SPON1: variants seen among roughly 807,000 people sequenced by gnomAD.
SPON1 encodes spondin 1, also known as spondin-1.
SPON1 carries 52 observed loss-of-function variants against 111.7 expected under a neutral mutation model. That is an observed-to-expected ratio of 0.47 (90% CI 0.37 to 0.59). The LOEUF (loss-of-function observed/expected upper bound fraction) is 0.59. SPON1 is among the 20% of genes least tolerant of loss of function. SPON1 has a pLI of 0.00. For missense variants in SPON1, 957 were observed against 1,068.5 expected, an observed-to-expected ratio of 0.90 and a Z score of 1.46; for synonymous variants, 410 against 395.8, an observed-to-expected ratio of 1.04 and a Z score of -0.43.
intron 2 of SPON1, among the ~76,000 whole-genome samples, chr11:14,040,410 AAC>A (rs1166946797): frequency 6.6e-6 from 1 of 152,160 alleles, no homozygotes; most frequent in Non-Finnish European, 1.5e-5. Flanking sequence ...AATTCTAAAT[AAC>A]ACACACACAC....
intron 15 of SPON1, among the ~76,000 whole-genome samples, chr11:14,263,751 G>A (rs1473469348): frequency 7.9e-5 from 12 of 152,196 alleles, no homozygotes; most frequent in East Asian, 5.8e-4. Context: ...ATTCCAGGCC[G>A]GGCACGGTGG....
At chr11:14,223,705 C>T (rs1848706586) in intron 6 of SPON1, among the ~76,000 whole-genome samples, 1 of 152,232 alleles carries the variant, frequency 6.6e-6, no homozygotes, top group African/African-American at 2.4e-5. Flanking sequence ...CCCTCACGCC[C>T]TCCCCTTCAA....
intron 5 of SPON1, among the ~76,000 whole-genome samples, chr11:14,113,567 AATTTTTTTTTTTTTTTT>A: frequency 4.6e-5 from 2 of 43,056 alleles, no homozygotes; most frequent in Non-Finnish European, 4.4e-5. Context: ...GTACTTTTTA[AATTTTTTTTTTTTTTTT>A]TTTTTTTTTT....
intron 6 of SPON1, among the ~76,000 whole-genome samples, chr11:14,194,591 A>G (rs1554934891): frequency 6.6e-6 from 1 of 151,704 alleles, no homozygotes; most frequent in East Asian, 1.9e-4. Flanking sequence ...GGCTGGTACA[A>G]TAAAAGTGTG....
rs1554930923 is a variant in SPON1 at position 14,160,606 on chromosome 11, T to TA, written c.825+25038_825+25039insA. On this transcript the variant is annotated intron_variant, in intron 6 of 15. Coordinates refer to ENST00000576479, the MANE Select transcript of SPON1 (RefSeq NM_006108.4). ...ATTTACATATATATATTTATATATA[T>TA]TTATATATATTTATATATATATTTA... is the stretch of plus-strand genomic sequence containing the variant. Among the ~76,000 whole-genome samples the TA allele has an allele frequency of 9.4e-5, 3 of 31,986 alleles. 1 individual carries two copies. The highest frequency in any genetic ancestry group is 1.6e-4 in the Non-Finnish European group (3 of 19,326). 21.0% of individuals were successfully genotyped at this position (31,986 alleles called of 152,430 possible).
intron 3 of SPON1, among the ~76,000 whole-genome samples, chr11:14,064,484 A>G (rs2133824648): frequency 6.6e-6 from 1 of 152,344 alleles, no homozygotes; most frequent in African/African-American, 2.4e-5. Flanking sequence ...CACACAGTAA[A>G]GCTGAATTCA....
chr11:14,160,532 TATTTATA>T (rs1847908645), intron 6 of SPON1, among the ~76,000 whole-genome samples: 1 of 16,232 alleles, frequency 6.2e-5, no homozygotes, highest in Non-Finnish European at 8.9e-5. Context: ...TACATATATA[TATTTATA>T]TATATATTTA....
intron 3 of SPON1, among the ~76,000 whole-genome samples, chr11:14,044,081 C>T (rs1233462537): frequency 6.6e-6 from 1 of 151,794 alleles, no homozygotes; most frequent in Non-Finnish European, 1.5e-5. Context: ...AGGAGACAGG[C>T]CCTGGGGATA....
intron 6 of SPON1, among the ~76,000 whole-genome samples, chr11:14,145,491 TAA>T (rs1263107441): frequency 4.6e-5 from 7 of 152,314 alleles, no homozygotes; most frequent in African/African-American, 1.7e-4. Flanking sequence ...TATATTACCT[TAA>T]GATTTAGAAG....
At chr11:14,223,343 G>A (rs1349175899) in intron 6 of SPON1, among the ~76,000 whole-genome samples, 7 of 152,234 alleles carry the variant, frequency 4.6e-5, no homozygotes, top group African/African-American at 1.4e-4. Context: ...CAGCCTGGGC[G>A]ATAGAGTAAG....
intron 6 of SPON1, among the ~76,000 whole-genome samples, chr11:14,207,095 A>G (rs1554936259): frequency 6.6e-6 from 1 of 152,212 alleles, no homozygotes; most frequent in Non-Finnish European, 1.5e-5. Context: ...GCCTACAACC[A>G]TCTGATTTTC....
At chr11:14,158,085 G>A (rs948632908) in intron 6 of SPON1, among the ~76,000 whole-genome samples, 1 of 152,088 alleles carries the variant, frequency 6.6e-6, no homozygotes, top group Non-Finnish European at 1.5e-5. Context: ...GGCTCTGGAT[G>A]ACATTATCTT....
chr11:14,104,165 G>T (rs190991241), intron 5 of SPON1, among the ~76,000 whole-genome samples: 127 of 151,860 alleles, frequency 8.4e-4, no homozygotes, highest in Non-Finnish European at 1.5e-3. Context: ...CCTTTTTAAA[G>T]ATTTCCCAGT....
At chr11:13,964,791 C>T (rs1848003713) in intron 1 of SPON1, among the ~76,000 whole-genome samples, 1 of 152,116 alleles carries the variant, frequency 6.6e-6, no homozygotes, top group Admixed American at 6.5e-5. Flanking sequence ...CCCTGTGGAC[C>T]GCAGGGAAGC....
intron 2 of SPON1, among the ~76,000 whole-genome samples, chr11:14,035,610 A>C (rs1234547685): frequency 6.8e-6 from 1 of 147,382 alleles, no homozygotes; most frequent in Admixed American, 6.7e-5. Flanking sequence ...AAGTACACTT[A>C]GTTCTTTTTT....
chr11:14,005,760 G>A (rs1848354690), intron 2 of SPON1, among the ~76,000 whole-genome samples: 1 of 152,124 alleles, frequency 6.6e-6, no homozygotes, highest in Non-Finnish European at 1.5e-5. Context: ...TGATCTCAAT[G>A]CCTTCAGGCT....
At chr11:14,245,693 C>T (rs1223986087) in intron 7 of SPON1, among the ~76,000 whole-genome samples, 8 of 152,090 alleles carry the variant, frequency 5.3e-5, no homozygotes, top group Admixed American at 3.9e-4. Context: ...GCTGGCCCAG[C>T]GCAGCCCAGC....
At chr11:14,168,557 G>A (rs1329021599) in intron 6 of SPON1, among the ~76,000 whole-genome samples, 2 of 151,882 alleles carry the variant, frequency 1.3e-5, no homozygotes, top group African/African-American at 4.8e-5. Context: ...CAACGTGCAG[G>A]TTTGTTACCT....
In SPON1 at chr11:14,259,218, C is replaced by T; in HGVS notation, c.1493-62C>T. The T allele has an allele frequency of 2.7e-6, 4 of 1,493,684 alleles. No homozygotes were observed. In the South Asian group the frequency reaches 4.0e-5, roughly 15 times the overall value. 92.5% of individuals were successfully genotyped at this position (1,493,684 alleles called of 1,614,324 possible). A position where few individuals can be genotyped will look rare whatever the true frequency, so the allele number is the denominator to read the frequency against. On this transcript the variant is annotated intron_variant, in intron 11 of 15. Coordinates refer to ENST00000576479, the MANE Select transcript of SPON1 (RefSeq NM_006108.4). The surrounding 1 kb of genome is among the most constrained non-coding windows in gnomAD (Gnocchi z 5.0). ...TCCCGCTGGCGGGAAGTTCCCACCGCGCAGCCTGGCAGGCGCCCCTGCCAC... is the reference window on the plus strand; with the variant it reads ...TCCCGCTGGCGGGAAGTTCCCACCGTGCAGCCTGGCAGGCGCCCCTGCCAC...
Sources: gnomAD v4.1 joint callset for allele counts (sites outside exome capture counted in the v4.1 genomes callset) on GRCh38, gnomAD v4.1.1 for gene constraint, Gnocchi (gnomAD v3.1) non-coding constraint, MANE v1.5 for transcripts, NCBI Gene and HGNC (gene_info 2026-07-23, HGNC 2026-07-21) for gene names.